KALRN: variants seen among roughly 807,000 people sequenced by gnomAD.
KALRN encodes the protein kalirin RhoGEF kinase.
In KALRN, 70 loss-of-function variants were observed where a neutral mutation model predicts 353.7. That is an observed-to-expected ratio of 0.20 (90% CI 0.16 to 0.24). KALRN has a LOEUF of 0.24. Among genes scored for constraint, KALRN ranks in the 10% least tolerant of loss-of-function variants. The pLI is 1.00. For synonymous variants in KALRN, 1,391 were observed against 1,434.8 expected (o/e 0.97, Z 0.69); for missense variants, 2,791 against 3,756.7 (o/e 0.74, Z 6.72).
chr3:124,147,614 C>T (rs1026108818), intron 1 of KALRN, among the ~76,000 whole-genome samples: 21 of 152,126 alleles, frequency 1.4e-4, no homozygotes, highest in Admixed American at 2.6e-4. Context: ...ATCCAGCATC[C>T]CCCACTGTTA....
intron 49 of KALRN, among the ~76,000 whole-genome samples, chr3:124,676,298 GGTGT>G (rs894437118): frequency 6.6e-6 from 1 of 152,112 alleles, no homozygotes; most frequent in Non-Finnish European, 1.5e-5. Flanking sequence ...AAGGGTTGGG[GGTGT>G]GTGTGGAGGG....
In KALRN at chr3:124,450,957, G is replaced by A. The variant is rs1200980006; in HGVS notation, c.3552+4072G>A. 2.6e-5 allele frequency among the ~76,000 whole-genome samples: 4 copies of A among 152,050 alleles called. No homozygotes were observed. In the South Asian group the frequency reaches 8.3e-4, roughly 32 times the overall value. ...GTATAATAACAAACAATCCCCTGCTGAATGAATCAGAAGATGTATTTCAAG... is the reference window on the plus strand; with the variant it reads ...GTATAATAACAAACAATCCCCTGCTAAATGAATCAGAAGATGTATTTCAAG... On this transcript the variant is annotated intron_variant, in intron 21 of 59. Coordinates refer to ENST00000682506, the MANE Select transcript of KALRN (RefSeq NM_001388419.1).
At chr3:124,704,013 G>A (rs2062476496) in intron 57 of KALRN, among the ~76,000 whole-genome samples, 1 of 152,160 alleles carries the variant, frequency 6.6e-6, no homozygotes, top group African/African-American at 2.4e-5. Flanking sequence ...GGTCAGGGAG[G>A]TTAAGTAACT....
chr3:124,305,758 A>G (rs974819818), intron 6 of KALRN, among the ~76,000 whole-genome samples: 3 of 152,190 alleles, frequency 2.0e-5, no homozygotes, highest in Admixed American at 6.5e-5. Flanking sequence ...AACAAGCTCT[A>G]AAAGAAGTGG....
At chr3:124,468,630 C>G (rs960312996) in intron 25 of KALRN, among the ~76,000 whole-genome samples, 5 of 152,146 alleles carry the variant, frequency 3.3e-5, no homozygotes, top group African/African-American at 1.2e-4. Context: ...CGAAAGAAAT[C>G]GTTAAAGATA....
chr3:124,683,087 T>G, intron 51 of KALRN, among the ~76,000 whole-genome samples: 2 of 147,638 alleles, frequency 1.4e-5, no homozygotes, highest in African/African-American at 5.0e-5. Flanking sequence ...GGGGTGGGGG[T>G]GAAAGGGGGG....
intron 33 of KALRN, among the ~76,000 whole-genome samples, chr3:124,555,334 C>A (rs2071091436): frequency 6.6e-6 from 1 of 151,880 alleles, no homozygotes; most frequent in African/African-American, 2.4e-5. Context: ...GAATGGCGTG[C>A]ACCCGGAAGG....
chr3:124,045,753 G>C (rs956408266), intron 1 of KALRN, among the ~76,000 whole-genome samples: 19 of 136,866 alleles, frequency 1.4e-4, no homozygotes, highest in African/African-American at 6.3e-5. Context: ...GCCTAATGGG[G>C]GGGGGGGGGT....
chr3:124,353,881 A>T (rs2083097539), intron 10 of KALRN, among the ~76,000 whole-genome samples: 1 of 152,222 alleles, frequency 6.6e-6, no homozygotes, highest in Non-Finnish European at 1.5e-5. Flanking sequence ...TGGATCTTGC[A>T]TGACACGTTT....
intron 3 of KALRN, among the ~76,000 whole-genome samples, chr3:124,244,033 A>C (rs1270915552): frequency 6.6e-6 from 1 of 152,210 alleles, no homozygotes; most frequent in Non-Finnish European, 1.5e-5. Context: ...GGTCAGTAAC[A>C]CTTCACTTCT....
intron 10 of KALRN, among the ~76,000 whole-genome samples, chr3:124,355,507 A>G (rs979536382): frequency 5.3e-5 from 8 of 152,108 alleles, no homozygotes; most frequent in Admixed American, 1.3e-4. Context: ...AAGGCTTCCC[A>G]TAGATGAAAT....
intron 6 of KALRN, among the ~76,000 whole-genome samples, chr3:124,299,828 G>A (rs922440474): frequency 6.6e-6 from 1 of 152,094 alleles, no homozygotes; most frequent in Admixed American, 6.5e-5. Flanking sequence ...ATATATTTTT[G>A]TTTTCCTGCG....
chr3:124,333,140 A>G (rs188350576), intron 8 of KALRN, among the ~76,000 whole-genome samples: 1 of 152,288 alleles, frequency 6.6e-6, no homozygotes, highest in East Asian at 1.9e-4. Flanking sequence ...AGATTTATTC[A>G]CTAACATGAG....
chr3:124,144,324 G>T (rs543528538), intron 1 of KALRN, among the ~76,000 whole-genome samples: 1 of 152,282 alleles, frequency 6.6e-6, no homozygotes, highest in Non-Finnish European at 1.5e-5. Flanking sequence ...ATTCCCAGCA[G>T]AGAAGTCTGA....
intron 34 of KALRN, among the ~76,000 whole-genome samples, chr3:124,621,724 G>A (rs2079291650): frequency 6.6e-6 from 1 of 152,238 alleles, no homozygotes. Flanking sequence ...CTAACCAGAT[G>A]GTTTGCTGAG....
At chr3:124,705,822 C>CCCTACCTT (rs1553740576) in intron 57 of KALRN, among the ~76,000 whole-genome samples, 2 of 144,666 alleles carry the variant, frequency 1.4e-5, no homozygotes, top group African/African-American at 5.3e-5. Context: ...CTTCCTTCCT[C>CCCTACCTT]CCTTCCTTCC....
intron 1 of KALRN, among the ~76,000 whole-genome samples, chr3:124,077,488 A>G (rs910113658): frequency 6.6e-6 from 1 of 151,978 alleles, no homozygotes; most frequent in African/African-American, 2.4e-5. Context: ...ACTCTTTCCC[A>G]TGGCATGCAC....
intron 1 of KALRN, among the ~76,000 whole-genome samples, chr3:124,124,507 G>A (rs574372428): frequency 3.9e-4 from 59 of 152,348 alleles, no homozygotes; most frequent in African/African-American, 1.3e-3. Flanking sequence ...TAAAGCAGCA[G>A]CTGGTTTTGA....
At chr3:124,399,582 C>T (rs1182243188) in intron 13 of KALRN, among the ~76,000 whole-genome samples, 3 of 152,202 alleles carry the variant, frequency 2.0e-5, no homozygotes, top group East Asian at 1.9e-4. Context: ...TAGGTGGCCT[C>T]CTTAGAGCTG....
Sources: gnomAD v4.1 joint callset for allele counts (sites outside exome capture counted in the v4.1 genomes callset) on GRCh38, gnomAD v4.1.1 for gene constraint, MANE v1.5 for transcripts, NCBI Gene and HGNC (gene_info 2026-07-23, HGNC 2026-07-21) for gene names.